The following ZNF705G variants were observed in gnomAD, a reference collection of about 807,000 sequenced individuals.
ZNF705G encodes putative zinc finger protein 705G.
In ZNF705G, 23 loss-of-function variants were observed where a neutral mutation model predicts 19.6. The ratio of observed to expected loss-of-function variants is 1.17; its 90% CI spans 0.84 to 1.66. The LOEUF (loss-of-function observed/expected upper bound fraction) is 1.66. Ranked by LOEUF, ZNF705G falls within the 40% of genes most tolerant of loss-of-function variation. The pLI is 0.00. For missense variants in ZNF705G, 457 were observed against 354.4 expected (o/e 1.29, Z -2.32); for synonymous variants, 146 against 117.7 (o/e 1.24, Z -1.56).
At chr8:7,363,340 A>G (rs1381759056) in intron 2 of ZNF705G, among the ~76,000 whole-genome samples, 1 of 148,200 alleles carries the variant, frequency 6.7e-6, no homozygotes, top group Non-Finnish European at 1.5e-5. Context: ...GACTCCATCC[A>G]CATGTGGAAT....
chr8:7,380,300 C>A (rs1355375774), intron 2 of ZNF705G, among the ~76,000 whole-genome samples: 1 of 146,672 alleles, frequency 6.8e-6, no homozygotes, highest in Non-Finnish European at 1.5e-5. Flanking sequence ...CTGTCACTAC[C>A]ACTACCCAAG....
intron 5 of ZNF705G, among the ~76,000 whole-genome samples, 154 bp from the exon 6 acceptor site, chr8:7,359,855 T>C (rs558330307): frequency 6.0e-5 from 9 of 149,682 alleles, no homozygotes; most frequent in Admixed American, 2.0e-4. Context: ...AAATAGATTG[T>C]ACAGTGTCAG....
chr8:7,380,959 T>C (rs1359699923), intron 2 of ZNF705G, among the ~76,000 whole-genome samples: 2 of 117,362 alleles, frequency 1.7e-5, no homozygotes, highest in Non-Finnish European at 3.1e-5. Flanking sequence ...AGAGTTGCAG[T>C]GAGTTGAAAT....
At chr8:7,382,567 T>TA (rs1168446700) in intron 1 of ZNF705G, among the ~76,000 whole-genome samples, 1 of 146,520 alleles carries the variant, frequency 6.8e-6, no homozygotes, top group Non-Finnish European at 1.5e-5. Flanking sequence ...TTCCATTCTA[T>TA]AAAAAAGTTT....
intron 2 of ZNF705G, among the ~76,000 whole-genome samples, chr8:7,381,028 A>AAAC (rs1807473758): frequency 1.8e-5 from 1 of 57,138 alleles, no homozygotes; most frequent in Non-Finnish European, 3.6e-5. Flanking sequence ...ACCACCACCA[A>AAAC]AAAAAAAAAA....
intron 6 of ZNF705G, among the ~76,000 whole-genome samples, chr8:7,359,317 A>G (rs1563289060): frequency 6.7e-6 from 1 of 149,662 alleles, no homozygotes; most frequent in Non-Finnish European, 1.5e-5. Context: ...GCAGACACAG[A>G]TATGTTCTCT....
At chr8:7,371,150 C>T (rs1423064670) in intron 2 of ZNF705G, among the ~76,000 whole-genome samples, 1 of 140,842 alleles carries the variant, frequency 7.1e-6, no homozygotes, top group Non-Finnish European at 1.5e-5. Context: ...TAACGAAACC[C>T]TGTCATTTGT....
At chr8:7,360,181 T>A in intron 5 of ZNF705G, 56 bp downstream of exon 5, 1 of 1,556,448 alleles carries the variant, frequency 6.4e-7, no homozygotes, top group East Asian at 2.2e-5. Flanking sequence ...ATTCAACTGA[T>A]ATTATTCATT....
In ZNF705G at chr8:7,363,905, A is replaced by C. The variant is rs770653041; in HGVS notation, c.-71-888T>G. ...GGGTCAACACTCCCATCCTGCTAATATAGCCCTTAAAATCTCCTGCATCAG... is the reference window on the plus strand; with the variant it reads ...GGGTCAACACTCCCATCCTGCTAATCTAGCCCTTAAAATCTCCTGCATCAG... On this transcript the variant is annotated intron_variant, in intron 2 of 6. Transcript: ENST00000400156. Among the ~76,000 whole-genome samples, 36 of 149,632 alleles carry C rather than the reference A, an allele frequency of 2.4e-4. 1 individual carries two copies. The highest frequency in any genetic ancestry group is 6.4e-4 in the African/African-American group (25 of 39,058).
intron 2 of ZNF705G, among the ~76,000 whole-genome samples, 197 bp from the exon 3 acceptor site, chr8:7,363,214 A>G (rs1391942420): frequency 6.7e-6 from 1 of 148,842 alleles, no homozygotes; most frequent in Non-Finnish European, 1.5e-5. Flanking sequence ...TTGCTAATAA[A>G]GAAGGAACAC....
chr8:7,369,167 A>T (rs1421107840), intron 2 of ZNF705G, among the ~76,000 whole-genome samples: 1 of 149,492 alleles, frequency 6.7e-6, no homozygotes, highest in African/African-American at 2.6e-5. Flanking sequence ...TGATTCAGTT[A>T]TCGCCACTGG....
chr8:7,357,046 G>A lies in ZNF705G; in HGVS notation c.*930C>T, dbSNP rs1388771760. On this transcript the variant is annotated 3_prime_UTR_variant, in exon 7 of 7. Coordinates refer to ENST00000400156, the MANE Select transcript of ZNF705G (RefSeq NM_001164457.3). Reference sequence around the variant, plus strand: ...CACTTTTCTGATGAGAAATCTATCAGGTTTCTCCACAGTGATTTTCAAGTT... The same window carrying A: ...CACTTTTCTGATGAGAAATCTATCAAGTTTCTCCACAGTGATTTTCAAGTT... 9 of 149,774 alleles carry A rather than the reference G, an allele frequency of 6.0e-5. No homozygotes were observed. Among genetic ancestry groups the A allele is most frequent in the Admixed American group, 3.9e-4 (6 of 15,214 alleles). The allele number at this position is 149,774 out of a possible 1,614,324, so 9.3% of individuals were successfully genotyped here.
At chr8:7,379,487 CAAAG>C (rs200297115) in intron 2 of ZNF705G, among the ~76,000 whole-genome samples, 2,887 of 146,950 alleles carry the variant, frequency 0.02, 486 homozygotes, top group African/African-American at 0.074. Flanking sequence ...TGTGTCCTCC[CAAAG>C]AAAGACCAAG....
chr8:7,356,607 A>T lies in ZNF705G; in HGVS notation c.*1369T>A, dbSNP rs1806270183. ...CCTGGTGTGTCAACTCGAGGGTTGG[A>T]TGGAAACAAGTGGTTTTAGTGGACG... On this transcript the variant is annotated 3_prime_UTR_variant, in exon 7 of 7. Coordinates refer to ENST00000400156, the MANE Select transcript of ZNF705G (RefSeq NM_001164457.3). 6.7e-6 allele frequency: 1 copy of T among 149,542 alleles called. No individual in the cohort carries two copies. 9.3% of individuals were successfully genotyped at this position (149,542 alleles called of 1,614,324 possible). A position where few individuals can be genotyped will look rare whatever the true frequency, so the allele number is the denominator to read the frequency against.
chr8:7,365,008 G>A (rs1325780733), intron 2 of ZNF705G, among the ~76,000 whole-genome samples: 2 of 149,606 alleles, frequency 1.3e-5, no homozygotes, highest in Non-Finnish European at 1.5e-5. Flanking sequence ...ATATTTGTGT[G>A]TAATTATAAC....
chr8:7,379,184 G>A, intron 2 of ZNF705G, among the ~76,000 whole-genome samples: 2 of 148,574 alleles, frequency 1.3e-5, no homozygotes, highest in Admixed American at 1.3e-4. Flanking sequence ...ACAATGTTAA[G>A]TTATGTCACA....
At chr8:7,382,370 G>C (rs180959143) in intron 1 of ZNF705G, among the ~76,000 whole-genome samples, 2,396 of 146,016 alleles carry the variant, frequency 0.016, 13 homozygotes, top group Non-Finnish European at 0.025. Context: ...ATTTTCTGGT[G>C]GATTTTCATT....
intron 4 of ZNF705G, 122 bp from the exon 5 acceptor site, chr8:7,360,454 C>T (rs1263275992): frequency 3.4e-6 from 5 of 1,467,830 alleles, no homozygotes; most frequent in Non-Finnish European, 4.6e-6. Context: ...GGCCACAAGA[C>T]CTAGAACACA....
At chr8:7,385,156 C>T (rs1807671509) in intron 1 of ZNF705G, among the ~76,000 whole-genome samples, 1 of 148,146 alleles carries the variant, frequency 6.8e-6, no homozygotes, top group South Asian at 2.1e-4. Context: ...ACTTCCCTAA[C>T]AAAGGGGGAA....
Sources: allele counts gnomAD v4.1 joint callset (sites outside exome capture counted in the v4.1 genomes callset), GRCh38; gene constraint gnomAD v4.1.1; transcripts MANE v1.5; gene names NCBI Gene and HGNC (gene_info 2026-07-23, HGNC 2026-07-21).